Variants in MTMR7 observed in about 807,000 individuals in gnomAD.
MTMR7 encodes the protein myotubularin related protein 7.
In MTMR7, 76 loss-of-function variants were observed where a neutral mutation model predicts 81.2. The ratio of observed to expected loss-of-function variants is 0.94; its 90% confidence interval spans 0.78 to 1.13. The LOEUF (loss-of-function observed/expected upper bound fraction) is 1.13. MTMR7 is among the 50% of genes most tolerant of loss of function. MTMR7 has a pLI of 0.00. For synonymous variants in MTMR7, 372 were observed against 289.8 expected (o/e 1.28, Z -2.88); for missense variants, 1,044 against 820.0 (o/e 1.27, Z -3.34).
At position 17,339,484 on chromosome 8, in the gene MTMR7, A is replaced by G. The variant is rs1641972501; in HGVS notation, c.732+1879T>C. ...TCAGTTTACTTTCAATAGCTCTGAA[A>G]TTGCCTGTTGAAAGCATTTCATGAT... On this transcript the variant is annotated intron_variant, in intron 6 of 13. Transcript: ENST00000180173. Among the ~76,000 whole-genome samples, 3 of 152,268 alleles carry G rather than the reference A, an allele frequency of 2.0e-5. No homozygotes were observed. The South Asian group carries it at 6.2e-4, about 32-fold the overall frequency.
intron 2 of MTMR7, 189 bp downstream of exon 2, chr8:17,372,929 T>A: frequency 1.7e-6 from 1 of 594,938 alleles, no homozygotes; most frequent in African/African-American, 1.9e-5. Context: ...AATTCATGTT[T>A]AAAATGAATA....
At chr8:17,338,788 G>A (rs1053684250) in intron 6 of MTMR7, 1 of 151,826 alleles carries the variant, frequency 6.6e-6, no homozygotes, top group African/African-American at 2.4e-5. Flanking sequence ...GAATTTAAAA[G>A]GAAGGGACCC....
chr8:17,397,526 G>C (rs1821299158), intron 1 of MTMR7, among the ~76,000 whole-genome samples: 3 of 152,152 alleles, frequency 2.0e-5, no homozygotes. Context: ...ACTTTGTCTT[G>C]TGTTTTGAGG....
At chr8:17,356,795 C>A (rs962834833) in intron 4 of MTMR7, among the ~76,000 whole-genome samples, 1 of 152,104 alleles carries the variant, frequency 6.6e-6, no homozygotes. Context: ...AGAAGTGGCA[C>A]TGTGGGATCA....
intron 1 of MTMR7, among the ~76,000 whole-genome samples, chr8:17,384,234 G>T (rs1820855959): frequency 6.6e-6 from 1 of 152,000 alleles, no homozygotes; most frequent in Admixed American, 6.6e-5. Flanking sequence ...AACAAGATGA[G>T]ATCCCCATCT....
intron 1 of MTMR7, among the ~76,000 whole-genome samples, chr8:17,385,782 C>T (rs991117118): frequency 2.0e-5 from 3 of 152,174 alleles, no homozygotes; most frequent in African/African-American, 4.8e-5. Context: ...TCTTAACCTT[C>T]CACCATGATT....
intron 7 of MTMR7, among the ~76,000 whole-genome samples, chr8:17,320,891 G>C (rs1411389611): frequency 6.6e-6 from 1 of 152,192 alleles, no homozygotes; most frequent in Admixed American, 6.5e-5. Context: ...CCCAGGCCAT[G>C]CCCCAAAGTG....
At chr8:17,301,918 G>C in intron 13 of MTMR7, 1 of 442,796 alleles carries the variant, frequency 2.3e-6, no homozygotes, top group African/African-American at 2.0e-5. Context: ...CTAAAATAAG[G>C]AACAACCAAA....
intron 2 of MTMR7, 106 bp downstream of exon 2, chr8:17,373,012 G>C (rs1647929333): frequency 7.3e-7 from 1 of 1,363,378 alleles, no homozygotes; most frequent in South Asian, 1.4e-5. Context: ...CAACATCCAG[G>C]CACAAAAGCC....
At chr8:17,349,363 A>G in intron 4 of MTMR7, 1 of 264,012 alleles carries the variant, frequency 3.8e-6, no homozygotes. Context: ...GTGACAATGA[A>G]GCCTTCCTTT....
chr8:17,363,755 ACT>A (rs1020909417), intron 3 of MTMR7, among the ~76,000 whole-genome samples: 1 of 151,958 alleles, frequency 6.6e-6, no homozygotes, highest in Admixed American at 6.6e-5. Context: ...CAGCCTGCAG[ACT>A]CTGCCTACTC....
chr8:17,385,427 G>A (rs1820903399), intron 1 of MTMR7, among the ~76,000 whole-genome samples: 1 of 152,160 alleles, frequency 6.6e-6, no homozygotes. Context: ...TCGTGATAGT[G>A]AATACGCCTC....
rs1310848406 is a variant in MTMR7, at chr8:17,327,646, A to ATT, written c.865+3503_865+3504insAA. On this transcript the variant is annotated intron_variant, in intron 7 of 13. Transcript: ENST00000180173. ...CCTAAGAGGAAGAAACCTGGTAAAA[A>ATT]AAAAAACTATCTCTAAACCAAATAT... 2.4e-3 allele frequency among the ~76,000 whole-genome samples: 370 copies of ATT among 152,178 alleles called. 4 individuals carry two copies. The highest frequency in any genetic ancestry group is 8.2e-3 in the African/African-American group (339 of 41,488).
chr8:17,387,652 G>C (rs190654862), intron 1 of MTMR7, among the ~76,000 whole-genome samples: 24 of 152,250 alleles, frequency 1.6e-4, no homozygotes, highest in African/African-American at 5.3e-4. Flanking sequence ...CTCCACATGG[G>C]AGGTACTTGG....
chr8:17,376,975 G>A (rs1038443215), intron 1 of MTMR7, among the ~76,000 whole-genome samples: 5 of 151,376 alleles, frequency 3.3e-5, no homozygotes, highest in East Asian at 1.9e-4. Context: ...TCACGACTAC[G>A]TAATTCATAC....
In MTMR7 at chr8:17,299,810, T is replaced by C. The variant is rs897774496; in HGVS notation, c.*52A>G. ...ACAATAAACCACCTTGTTCCCTTGT[T>C]TTTGGAAGTGTTGCTTATGTGTCCT... On this transcript the variant is annotated 3_prime_UTR_variant, in exon 14 of 14. Coordinates refer to ENST00000180173, the MANE Select transcript of MTMR7 (RefSeq NM_004686.5). The C allele has an allele frequency of 2.4e-5, 39 of 1,592,692 alleles. No individual in the cohort carries two copies. Among genetic ancestry groups the C allele is most frequent in the Non-Finnish European group, 3.1e-5 (36 of 1,167,696 alleles).
intron 6 of MTMR7, among the ~76,000 whole-genome samples, chr8:17,335,868 G>A (rs183096648): frequency 7.2e-5 from 11 of 152,296 alleles, no homozygotes; most frequent in Admixed American, 6.5e-4. Context: ...CGTATGTGAC[G>A]CAAAATTAGC....
chr8:17,394,212 T>C (rs1821184888), intron 1 of MTMR7, among the ~76,000 whole-genome samples: 2 of 152,212 alleles, frequency 1.3e-5, no homozygotes, highest in Non-Finnish European at 2.9e-5. Flanking sequence ...AGAGAACTGA[T>C]AACATATTTT....
intron 1 of MTMR7, among the ~76,000 whole-genome samples, chr8:17,388,754 T>C (rs1821019016): frequency 6.6e-6 from 1 of 152,100 alleles, no homozygotes; most frequent in Non-Finnish European, 1.5e-5. Flanking sequence ...CCAAGTCTCA[T>C]GCTCTCCCTC....
Sources: allele counts gnomAD v4.1 joint callset (sites outside exome capture counted in the v4.1 genomes callset), GRCh38; gene constraint gnomAD v4.1.1; transcripts MANE v1.5; gene names NCBI Gene and HGNC (gene_info 2026-07-23, HGNC 2026-07-21).